LRP2BP: variants seen among roughly 807,000 people sequenced by gnomAD.
The protein encoded by LRP2BP is LRP2 binding protein, also known as LRP2-binding protein.
Under a neutral mutation model 45.2 loss-of-function variants are expected in LRP2BP, and 38 were observed. That is an observed-to-expected ratio of 0.84 (90% confidence interval 0.65 to 1.10). LRP2BP has a LOEUF of 1.10. LRP2BP is among the 50% of genes least tolerant of loss of function. LRP2BP has a pLI of 0.00. For synonymous variants in LRP2BP, 153 were observed against 153.9 expected (o/e 0.99, Z 0.04); for missense variants, 385 against 418.9 (o/e 0.92, Z 0.71).
At chr4:185,378,953 C>G (rs1285439131) in intron 1 of LRP2BP, 23 of 985,146 alleles carry the variant, frequency 2.3e-5, no homozygotes, top group Non-Finnish European at 2.7e-5. Context: ...ATAGAGAGAC[C>G]CTTAGTGTGA....
intron 1 of LRP2BP, among the ~76,000 whole-genome samples, chr4:185,380,445 T>C (rs2095452577): frequency 6.6e-6 from 1 of 152,114 alleles, no homozygotes; most frequent in Admixed American, 6.5e-5. Context: ...CCCACCAGCT[T>C]CTGGTGGTTT....
chr4:185,378,245 T>C, intron 1 of LRP2BP, 38 bp from the exon 2 acceptor site: 1 of 1,602,316 alleles, frequency 6.2e-7, no homozygotes, highest in South Asian at 1.1e-5. Flanking sequence ...TAGAAATTTC[T>C]TCCTCCAGCG....
Position 185,395,339 on chromosome 4 carries a change from G to C in LRP2BP, c.-582C>G, listed in dbSNP as rs2095498980. 3.0e-6 allele frequency: 3 copies of C among 985,216 alleles called. No homozygotes were observed. The highest frequency in any genetic ancestry group is 3.6e-6 in the Non-Finnish European group (3 of 829,868). 61.0% of individuals were successfully genotyped at this position (985,216 alleles called of 1,614,324 possible). ...AACTGCAGTATTTATGTTCAAAACT[G>C]TAAGAACGTGTCTGATACCCTTTAT... On this transcript the variant is annotated 5_prime_UTR_variant, in exon 1 of 9. Coordinates refer to ENST00000505916, the MANE Select transcript of LRP2BP (RefSeq NM_001377440.1).
chr4:185,367,382 T>C (rs1020210056), intron 8 of LRP2BP, 137 bp from the exon 9 acceptor site: 6 of 686,414 alleles, frequency 8.7e-6, no homozygotes, highest in East Asian at 2.8e-5. Context: ...TTAAGATACT[T>C]TCTATTCTGA....
chr4:185,368,701 C>T (rs1427841786), intron 8 of LRP2BP, among the ~76,000 whole-genome samples: 1 of 152,184 alleles, frequency 6.6e-6, no homozygotes, highest in East Asian at 1.9e-4. Flanking sequence ...AGATGTGTAT[C>T]CTAGAGTCCT....
chr4:185,396,665 C>G, upstream of LRP2BP: 6 of 515,438 alleles, frequency 1.2e-5, no homozygotes, highest in Non-Finnish European at 2.1e-5. Context: ...CCCCCTGCCC[C>G]CGGCGCCGGG....
intron 1 of LRP2BP, among the ~76,000 whole-genome samples, chr4:185,390,007 A>C (rs1228171869): frequency 6.6e-6 from 1 of 152,262 alleles, no homozygotes; most frequent in East Asian, 1.9e-4. Context: ...TATGGGCATA[A>C]GAATTCCAGA....
chr4:185,395,641 G>C lies in LRP2BP; in HGVS notation c.-884C>G, dbSNP rs567302208. On this transcript the variant is annotated 5_prime_UTR_variant, in exon 1 of 9. Transcript: ENST00000505916. ...TTCAAATATTCATATGAATAAAAAT[G>C]CTTAAAACTACCCCTTGGGTAACTA... The C allele has an allele frequency of 2.0e-6, 2 of 983,404 alleles. No homozygotes were observed. Among genetic ancestry groups the C allele is most frequent in the East Asian group, 2.3e-4 (2 of 8,802 alleles). 60.9% of individuals were successfully genotyped at this position (983,404 alleles called of 1,614,324 possible).
rs770391653 is a variant in LRP2BP, at chr4:185,367,224, A to G, written c.1000T>C (p.Leu334=). ...AGTAAGGAGTGAAGTTCATCTGCCA[A>G]TGCGGGATTCAGACGACAAGCCTTA... ...YSKACRLNPA[L]ADELHSLLIR... The change falls in exon 9 of 9, where the codon TTG becomes CTG. Residue 334 remains leucine (L), a synonymous_variant. Transcript: ENST00000505916. 1.9e-6 allele frequency: 3 copies of G among 1,612,620 alleles called. No individual in the cohort carries two copies. The highest frequency in any genetic ancestry group is 2.5e-6 in the Non-Finnish European group (3 of 1,178,990).
Position 185,364,446 on chromosome 4 carries a change from T to A in LRP2BP, c.*2734A>T, listed in dbSNP as rs2095379573. On this transcript the variant is annotated 3_prime_UTR_variant, in exon 9 of 9. Transcript: ENST00000505916. Reference sequence around the variant, plus strand: ...TCCCCTGTCTAATCCCCAAGAATATTGAAAACAAAACAATTAAACAAGTAA... The same window carrying A: ...TCCCCTGTCTAATCCCCAAGAATATAGAAAACAAAACAATTAAACAAGTAA... 6.6e-6 allele frequency: 1 copy of A among 152,128 alleles called. No homozygotes were observed. The highest frequency in any genetic ancestry group is 2.4e-5 in the African/African-American group (1 of 41,422). The allele number at this position is 152,128 out of a possible 1,614,324, so 9.4% of individuals were successfully genotyped here.
intron 1 of LRP2BP, among the ~76,000 whole-genome samples, chr4:185,381,738 C>G (rs1315891808): frequency 6.6e-6 from 1 of 152,126 alleles, no homozygotes; most frequent in Non-Finnish European, 1.5e-5. Flanking sequence ...GAAACTACAG[C>G]TGTTTTGGGG....
intron 1 of LRP2BP, 116 bp downstream of exon 1, chr4:185,394,663 C>A: frequency 2.7e-6 from 2 of 739,170 alleles, no homozygotes; most frequent in Non-Finnish European, 3.3e-6. Flanking sequence ...ATAGTGCTCT[C>A]AATACTGGAA....
chr4:185,372,870 A>G lies in LRP2BP; in HGVS notation c.789T>C (p.Val263=). Residue 263 remains valine (V), a synonymous_variant, in exon 7 of 9, where the codon GTT becomes GTC. Transcript: ENST00000505916. The part of the protein sequence containing the change: ...YYKMKFFTKC[V]AFSKRIADYD... ...AAGACATTCACCTTTTGGAAAATGC[A>G]ACACACTTTGTAAAAAATTTCATCT... 3 of 1,606,088 alleles carry G rather than the reference A, an allele frequency of 1.9e-6. No homozygotes were observed. Among genetic ancestry groups the G allele is most frequent in the African/African-American group, 1.3e-5 (1 of 74,926 alleles).
At chr4:185,390,584 G>C (rs775379498) in intron 1 of LRP2BP, 3 of 152,004 alleles carry the variant, frequency 2.0e-5, no homozygotes, top group Non-Finnish European at 4.4e-5. Context: ...ATCCTTACAG[G>C]TGTAGAAAAA....
chr4:185,395,337 CTG>C lies in LRP2BP; in HGVS notation c.-582_-581del. The stretch of plus-strand genomic sequence containing the variant: ...CTAACTGCAGTATTTATGTTCAAAA[CTG>C]TAAGAACGTGTCTGATACCCTTTAT... On this transcript the variant is annotated 5_prime_UTR_variant, in exon 1 of 9. Coordinates refer to ENST00000505916, the MANE Select transcript of LRP2BP (RefSeq NM_001377440.1). 1.0e-6 allele frequency: 1 copy of C among 985,416 alleles called. No homozygotes were observed. Among genetic ancestry groups the C allele is most frequent in the Non-Finnish European group, 1.2e-6 (1 of 829,918 alleles). The allele number at this position is 985,416 out of a possible 1,614,324, so 61.0% of individuals were successfully genotyped here.
In LRP2BP at chr4:185,364,338, C is replaced by T. The variant is rs975654023; in HGVS notation, c.*2842G>A. The T allele has an allele frequency of 6.6e-6, 1 of 152,136 alleles. No individual in the cohort carries two copies. The highest frequency in any genetic ancestry group is 2.4e-5 in the African/African-American group (1 of 41,432). The allele number at this position is 152,136 out of a possible 1,614,324, so 9.4% of individuals were successfully genotyped here. A position where few individuals can be genotyped will look rare whatever the true frequency, so the allele number is the denominator to read the frequency against. On this transcript the variant is annotated 3_prime_UTR_variant, in exon 9 of 9. Transcript: ENST00000505916. Reference sequence around the variant, plus strand: ...CATTAGGGGAGATCCAGAGTACAGACTTTGTGTTATTGATAGTGGGGCCAT... The same window carrying T: ...CATTAGGGGAGATCCAGAGTACAGATTTTGTGTTATTGATAGTGGGGCCAT...
intron 7 of LRP2BP, among the ~76,000 whole-genome samples, chr4:185,371,771 C>T (rs1034224954): frequency 2.6e-5 from 4 of 152,132 alleles, no homozygotes; most frequent in African/African-American, 9.7e-5. Flanking sequence ...GGCAATCACT[C>T]CTGTAAGTGG....
chr4:185,371,656 G>A (rs1041181487), intron 7 of LRP2BP, among the ~76,000 whole-genome samples: 4 of 151,888 alleles, frequency 2.6e-5, no homozygotes, highest in Admixed American at 1.3e-4. Context: ...TAACCTCAAT[G>A]TCATAGGGAG....
intron 1 of LRP2BP, among the ~76,000 whole-genome samples, chr4:185,386,863 G>A (rs2095473258): frequency 6.6e-6 from 1 of 152,224 alleles, no homozygotes; most frequent in African/African-American, 2.4e-5. Flanking sequence ...GCAAGTGGAT[G>A]CCGTGGAGAC....
Sources: allele counts gnomAD v4.1 joint callset (sites outside exome capture counted in the v4.1 genomes callset), GRCh38; gene constraint gnomAD v4.1.1; transcripts MANE v1.5; gene names NCBI Gene and HGNC (gene_info 2026-07-23, HGNC 2026-07-21).